Variants in NOS1AP observed in about 807,000 individuals in gnomAD.
The protein encoded by NOS1AP is carboxyl-terminal PDZ ligand of neuronal nitric oxide synthase protein.
In NOS1AP, 21 loss-of-function variants were observed where a neutral mutation model predicts 56.2. The ratio of observed to expected loss-of-function variants is 0.37; its 90% CI spans 0.26 to 0.54. The LOEUF (loss-of-function observed/expected upper bound fraction) is 0.54, where lower values mean the gene tolerates loss of function less well. NOS1AP is among the 20% of genes least tolerant of loss of function. The pLI is 0.84. For synonymous variants in NOS1AP, 270 were observed against 274.6 expected, an observed-to-expected ratio of 0.98 and a Z score of 0.17; for missense variants, 522 against 657.8, an observed-to-expected ratio of 0.79 and a Z score of 2.26.
chr1:162,314,719 A>G (rs1197243347), intron 4 of NOS1AP, among the ~76,000 whole-genome samples: 1 of 152,196 alleles, frequency 6.6e-6, no homozygotes, highest in African/African-American at 2.4e-5. Context: ...TATTTTCTCC[A>G]TAGGAAAAAA....
chr1:162,321,470 C>A (rs527990903), intron 4 of NOS1AP, among the ~76,000 whole-genome samples: 4 of 152,006 alleles, frequency 2.6e-5, no homozygotes, highest in African/African-American at 9.7e-5. Flanking sequence ...ATCGCAAGGA[C>A]AGAAAACCAA....
chr1:162,219,754 T>C lies in NOS1AP; in HGVS notation c.177+65278T>C, dbSNP rs562430517. On this transcript the variant is annotated intron_variant, in intron 2 of 9. Coordinates refer to ENST00000361897, the MANE Select transcript of NOS1AP (RefSeq NM_014697.3). ...TAATTATGCTTTAGGTTTTAGGCTTTATTCTGCAATTCTCTTGACTTAGTC... is the reference window on the plus strand; with the variant it reads ...TAATTATGCTTTAGGTTTTAGGCTTCATTCTGCAATTCTCTTGACTTAGTC... Among the ~76,000 whole-genome samples the C allele has an allele frequency of 5.9e-5, 9 of 152,364 alleles. No individual in the cohort carries two copies. In the East Asian group the frequency reaches 1.5e-3, roughly 26 times the overall value.
At position 162,332,845 on chromosome 1, in the gene NOS1AP, T is replaced by C. The variant is rs347306; in HGVS notation, c.345-172T>C. Among the ~76,000 whole-genome samples, 68,573 of 152,090 alleles carry C rather than the reference T, an allele frequency of 0.45. 16,490 individuals carry two copies. Among genetic ancestry groups the C allele is most frequent in the Middle Eastern group, 0.58 (170 of 294 alleles). On this transcript the variant is annotated intron_variant, in intron 4 of 9. Coordinates refer to ENST00000361897, the MANE Select transcript of NOS1AP (RefSeq NM_014697.3). ...TCACAGTGTTAGTGTTTGTGGAATC[T>C]GTTGAAAGTGCCTCCTGCATTGTGA... is the stretch of plus-strand genomic sequence containing the variant.
intron 4 of NOS1AP, among the ~76,000 whole-genome samples, chr1:162,318,857 C>G (rs1161145070): frequency 6.6e-6 from 1 of 152,118 alleles, no homozygotes; most frequent in African/African-American, 2.4e-5. Flanking sequence ...TTCCTTAGTT[C>G]TTTTTTCCTT....
chr1:162,224,816 A>G (rs1490790782), intron 2 of NOS1AP, among the ~76,000 whole-genome samples: 3 of 152,064 alleles, frequency 2.0e-5, no homozygotes, highest in East Asian at 3.9e-4. Context: ...TTTGGCTAAG[A>G]CTGATGTTGT....
chr1:162,326,644 T>A (rs1166701880), intron 4 of NOS1AP, among the ~76,000 whole-genome samples: 2 of 152,156 alleles, frequency 1.3e-5, no homozygotes, highest in Admixed American at 6.5e-5. Flanking sequence ...TCTGAAGACC[T>A]GAGAACCAGG....
intron 6 of NOS1AP, among the ~76,000 whole-genome samples, chr1:162,346,720 A>C (rs879660586): frequency 2.4e-4 from 37 of 152,340 alleles, no homozygotes; most frequent in South Asian, 2.3e-3. Flanking sequence ...ATAAATCTTG[A>C]AAACCTGACA....
At chr1:162,115,469 T>C (rs1647907958) in intron 1 of NOS1AP, among the ~76,000 whole-genome samples, 1 of 152,006 alleles carries the variant, frequency 6.6e-6, no homozygotes, top group Non-Finnish European at 1.5e-5. Flanking sequence ...GGAGTTGTTG[T>C]AGGTTTTTGT....
rs1416602681 is a variant in NOS1AP at position 162,345,932 on chromosome 1, A to C, written c.595+1956A>C. 2.6e-5 allele frequency among the ~76,000 whole-genome samples: 4 copies of C among 152,238 alleles called. No individual in the cohort carries two copies. In the East Asian group the frequency reaches 7.7e-4, roughly 29 times the overall value. ...ATTTAAAAAAACAAGAATAGAAAAA[A>C]TCCTGGAAAAGATGAATGATAGCAG... On this transcript the variant is annotated intron_variant, in intron 6 of 9. Transcript: ENST00000361897.
chr1:162,214,527 T>A (rs1218276012), intron 2 of NOS1AP, among the ~76,000 whole-genome samples: 1 of 152,052 alleles, frequency 6.6e-6, no homozygotes, highest in African/African-American at 2.4e-5. Context: ...GATTTTCCCT[T>A]CATAATTTTT....
intron 2 of NOS1AP, among the ~76,000 whole-genome samples, chr1:162,201,301 T>C (rs558441883): frequency 1.3e-5 from 2 of 152,338 alleles, no homozygotes; most frequent in South Asian, 4.1e-4. Context: ...CTTTATCCTG[T>C]AGTCTATCAT....
intron 2 of NOS1AP, among the ~76,000 whole-genome samples, chr1:162,285,460 G>A (rs1358834849): frequency 6.6e-6 from 1 of 152,168 alleles, no homozygotes; most frequent in Admixed American, 6.5e-5. Context: ...GCTGCAGTCA[G>A]GGTGACACAA....
chr1:162,324,195 G>A (rs1656507763), intron 4 of NOS1AP, among the ~76,000 whole-genome samples: 1 of 152,120 alleles, frequency 6.6e-6, no homozygotes, highest in South Asian at 2.1e-4. Context: ...GTGTGGGATG[G>A]ATGGTTTAAG....
In NOS1AP at chr1:162,171,165, G is replaced by C. The variant is rs541984689; in HGVS notation, c.177+16689G>C. ...TGCAAATACTCCAAGTGTGACTCAA[G>C]GCTTTTACCCAAAGGGATGGAGCGG... On this transcript the variant is annotated intron_variant, in intron 2 of 9. Transcript: ENST00000361897. Among the ~76,000 whole-genome samples the C allele has an allele frequency of 6.6e-5, 10 of 152,252 alleles. 3 individuals are homozygous for C. Among genetic ancestry groups the C allele is most frequent in the African/African-American group, 2.4e-4 (10 of 41,548 alleles).
intron 2 of NOS1AP, among the ~76,000 whole-genome samples, chr1:162,234,732 C>T (rs1004244071): frequency 6.6e-6 from 1 of 152,282 alleles, no homozygotes; most frequent in African/African-American, 2.4e-5. Context: ...GAGTCCATTC[C>T]AGAAACCACA....
At chr1:162,278,940 A>G (rs1361905186) in intron 2 of NOS1AP, among the ~76,000 whole-genome samples, 1 of 152,168 alleles carries the variant, frequency 6.6e-6, no homozygotes, top group Non-Finnish European at 1.5e-5. Context: ...TCCTACTTAC[A>G]TCATATATTA....
intron 4 of NOS1AP, among the ~76,000 whole-genome samples, chr1:162,323,042 C>T (rs1465557696): frequency 6.6e-6 from 1 of 152,136 alleles, no homozygotes; most frequent in African/African-American, 2.4e-5. Flanking sequence ...CACCCCGGTA[C>T]CTGTGAATGT....
intron 2 of NOS1AP, among the ~76,000 whole-genome samples, chr1:162,273,463 C>G (rs1000709266): frequency 6.6e-6 from 1 of 152,180 alleles, no homozygotes; most frequent in Non-Finnish European, 1.5e-5. Flanking sequence ...CCGCGCCCGG[C>G]CGAAGCCTCT....
chr1:162,079,479 G>A (rs1691841010), intron 1 of NOS1AP, among the ~76,000 whole-genome samples: 1 of 152,018 alleles, frequency 6.6e-6, no homozygotes, highest in South Asian at 2.1e-4. Context: ...AGCATAGCAT[G>A]GCATGAATTC....
Sources: allele counts gnomAD v4.1 joint callset (sites outside exome capture counted in the v4.1 genomes callset), GRCh38; gene constraint gnomAD v4.1.1; transcripts MANE v1.5; gene names NCBI Gene and HGNC (gene_info 2026-07-23, HGNC 2026-07-21).